STAG1: variants seen among roughly 807,000 people sequenced by gnomAD.
The protein encoded by STAG1 is cohesin subunit SA-1.
Under a neutral mutation model 170.9 loss-of-function variants are expected in STAG1, and 26 were observed. The ratio of observed to expected loss-of-function variants is 0.15; its 90% CI spans 0.11 to 0.21. The LOEUF (loss-of-function observed/expected upper bound fraction) is 0.21, where lower values mean the gene tolerates loss of function less well. STAG1 is among the 10% of genes least tolerant of loss of function. The pLI, the probability that STAG1 is intolerant of heterozygous loss-of-function variation, is 1.00. For missense variants in STAG1, 964 were observed against 1,509.5 expected, an observed-to-expected ratio of 0.64 and a Z score of 5.99; for synonymous variants, 514 against 497.7, an observed-to-expected ratio of 1.03 and a Z score of -0.44.
intron 22 of STAG1, among the ~76,000 whole-genome samples, chr3:136,395,000 T>C (rs1270391181): frequency 6.8e-6 from 1 of 147,896 alleles, no homozygotes; most frequent in East Asian, 2.0e-4. Flanking sequence ...TAGTCCCAGC[T>C]ACTTCAGGGG....
intron 6 of STAG1, among the ~76,000 whole-genome samples, chr3:136,526,012 C>A (rs1358737520): frequency 6.6e-6 from 1 of 152,136 alleles, no homozygotes; most frequent in East Asian, 1.9e-4. Flanking sequence ...TGCTTTACTT[C>A]CAACTATGTG....
chr3:136,668,094 T>C (rs1039824477), intron 1 of STAG1, among the ~76,000 whole-genome samples: 9 of 151,832 alleles, frequency 5.9e-5, no homozygotes, highest in African/African-American at 2.2e-4. Context: ...TAGCCAAGCA[T>C]GGTGGCATGT....
chr3:136,518,811 T>C (rs1429641012), intron 7 of STAG1, among the ~76,000 whole-genome samples: 1 of 152,142 alleles, frequency 6.6e-6, no homozygotes, highest in Non-Finnish European at 1.5e-5. Flanking sequence ...ATGATACTAA[T>C]ATAAAAAGAA....
At chr3:136,497,066 A>C (rs1373520187) in intron 9 of STAG1, among the ~76,000 whole-genome samples, 1 of 152,194 alleles carries the variant, frequency 6.6e-6, no homozygotes, top group African/African-American at 2.4e-5. Flanking sequence ...AACAACAGAT[A>C]ACCTCAACAG....
At chr3:136,505,355 T>A (rs529689924) in intron 7 of STAG1, among the ~76,000 whole-genome samples, 1 of 152,348 alleles carries the variant, frequency 6.6e-6, no homozygotes, top group East Asian at 1.9e-4. Context: ...GTACTGATAG[T>A]GTCGTCTGCA....
At chr3:136,725,253 C>T (rs1933592996) in intron 1 of STAG1, among the ~76,000 whole-genome samples, 1 of 151,400 alleles carries the variant, frequency 6.6e-6, no homozygotes, top group Admixed American at 6.6e-5. Flanking sequence ...CTTCAGTAGG[C>T]AAGAACTAGA....
At chr3:136,589,919 A>G (rs1938071800) in intron 4 of STAG1, among the ~76,000 whole-genome samples, 1 of 152,082 alleles carries the variant, frequency 6.6e-6, no homozygotes, top group Admixed American at 6.6e-5. Flanking sequence ...TAACAGAGCG[A>G]GATTCCATCT....
intron 22 of STAG1, among the ~76,000 whole-genome samples, chr3:136,397,978 C>T (rs1325150412): frequency 6.6e-6 from 1 of 151,940 alleles, no homozygotes; most frequent in African/African-American, 2.4e-5. Context: ...TGGAGTTTTG[C>T]TCTTGTTGCC....
intron 23 of STAG1, among the ~76,000 whole-genome samples, chr3:136,369,773 GTAC>G: frequency 6.6e-6 from 1 of 152,270 alleles, no homozygotes; most frequent in East Asian, 1.9e-4. Flanking sequence ...AAATGTCAGT[GTAC>G]TACTGCACAG....
At chr3:136,541,905 T>A (rs1470315472) in intron 6 of STAG1, among the ~76,000 whole-genome samples, 1 of 152,138 alleles carries the variant, frequency 6.6e-6, no homozygotes, top group Admixed American at 6.6e-5. Flanking sequence ...CTAATTTTCT[T>A]AGCCTGCCAG....
chr3:136,633,025 G>A (rs988001330), intron 1 of STAG1, among the ~76,000 whole-genome samples: 1 of 151,902 alleles, frequency 6.6e-6, no homozygotes, highest in Non-Finnish European at 1.5e-5. Flanking sequence ...GGAGGGCGGG[G>A]AATCACTAAA....
intron 7 of STAG1, among the ~76,000 whole-genome samples, chr3:136,508,749 C>G (rs1447570016): frequency 1.3e-5 from 2 of 152,240 alleles, no homozygotes; most frequent in African/African-American, 4.8e-5. Flanking sequence ...ATCTCAGACT[C>G]AAGACTGCAC....
chr3:136,688,916 A>G (rs1292425867), intron 1 of STAG1, among the ~76,000 whole-genome samples: 1 of 152,164 alleles, frequency 6.6e-6, no homozygotes, highest in African/African-American at 2.4e-5. Context: ...GTTTCCATAA[A>G]TTTTGCCAAC....
At chr3:136,658,991 G>A (rs1020617610) in intron 1 of STAG1, among the ~76,000 whole-genome samples, 1 of 152,044 alleles carries the variant, frequency 6.6e-6, no homozygotes, top group Non-Finnish European at 1.5e-5. Flanking sequence ...CAAGTAAGAG[G>A]CAATTCTAAT....
chr3:136,612,504 A>T (rs1456260346), intron 3 of STAG1, among the ~76,000 whole-genome samples: 1 of 152,160 alleles, frequency 6.6e-6, no homozygotes, highest in Non-Finnish European at 1.5e-5. Context: ...AAATATCTAA[A>T]GATAAAGGAT....
chr3:136,600,326 C>A (rs772119231), intron 4 of STAG1, among the ~76,000 whole-genome samples: 9 of 152,142 alleles, frequency 5.9e-5, no homozygotes. Context: ...TCACATTAGG[C>A]CTTGGCTTCA....
intron 29 of STAG1, among the ~76,000 whole-genome samples, chr3:136,345,736 TGTGTTAG>T (rs1265801688): frequency 6.6e-6 from 1 of 152,162 alleles, no homozygotes; most frequent in African/African-American, 2.4e-5. Flanking sequence ...CAGAGATGTG[TGTGTTAG>T]GTTCCTCTTT....
rs138827676 is a variant in STAG1, at chr3:136,683,231, T to A, written c.-83-52250A>T. ...ATATTACCAATTGTATATTTAAAAATAACTAAGATAGTAAATTTTATGTGT... is the reference window on the plus strand; with the variant it reads ...ATATTACCAATTGTATATTTAAAAAAAACTAAGATAGTAAATTTTATGTGT... On this transcript the variant is annotated intron_variant, in intron 1 of 33. Transcript: ENST00000383202. Among the ~76,000 whole-genome samples the A allele has an allele frequency of 2.6e-4, 39 of 151,750 alleles. No individual in the cohort carries two copies. In the East Asian group the frequency reaches 5.2e-3, roughly 20 times the overall value.
intron 1 of STAG1, among the ~76,000 whole-genome samples, chr3:136,664,857 C>A (rs1941700834): frequency 6.6e-6 from 1 of 152,162 alleles, no homozygotes; most frequent in Non-Finnish European, 1.5e-5. Context: ...TATGGATGGG[C>A]AACCAAGAAC....
Sources: gnomAD v4.1 joint callset for allele counts (sites outside exome capture counted in the v4.1 genomes callset) on GRCh38, gnomAD v4.1.1 for gene constraint, MANE v1.5 for transcripts, NCBI Gene and HGNC (gene_info 2026-07-23, HGNC 2026-07-21) for gene names.